SOHLH1: variants seen among roughly 807,000 people sequenced by gnomAD.
SOHLH1 encodes spermatogenesis and oogenesis specific basic helix-loop-helix 1.
SOHLH1 carries 23 observed loss-of-function variants against 36.2 expected under a neutral mutation model. The ratio of observed to expected loss-of-function variants is 0.64; its 90% CI spans 0.46 to 0.90. The LOEUF (loss-of-function observed/expected upper bound fraction) is 0.90, where lower values mean the gene tolerates loss of function less well. Ranked by LOEUF, SOHLH1 falls within the 40% of genes least tolerant of loss-of-function variation. The pLI, the probability that SOHLH1 is intolerant of heterozygous loss-of-function variation, is 0.00. For synonymous variants in SOHLH1, 289 were observed against 228.3 expected, an observed-to-expected ratio of 1.27 and a Z score of -2.40; for missense variants, 608 against 517.0, an observed-to-expected ratio of 1.18 and a Z score of -1.71.
chr9:135,700,187 G>A (rs1013114171), upstream of SOHLH1, among the ~76,000 whole-genome samples: 3 of 152,126 alleles, frequency 2.0e-5, no homozygotes, highest in Non-Finnish European at 4.4e-5. Context: ...TTATGCCCTG[G>A]GGCCCCAGCT....
intron 1 of SOHLH1, 94 bp downstream of exon 1, chr9:135,699,309 G>A (rs1816129708): frequency 6.7e-7 from 1 of 1,503,490 alleles, no homozygotes. Flanking sequence ...CGCCCCAGGA[G>A]GCCCAGGATG....
At chr9:135,701,187 G>A (rs1351761616), upstream of SOHLH1, among the ~76,000 whole-genome samples, 1 of 152,204 alleles carries the variant, frequency 6.6e-6, no homozygotes, top group East Asian at 1.9e-4. Flanking sequence ...CTGAACCTCT[G>A]CTGGGGACTT....
In SOHLH1 at chr9:135,697,552, G is replaced by C. The variant is rs766285870; in HGVS notation, c.421C>G (p.Gln141Glu). The change falls in exon 4 of 8, where the codon CAA becomes GAA. Residue 141 changes from glutamine to glutamate, a missense_variant. Gln to Glu is a conservative substitution (Grantham distance 29). Transcript: ENST00000425225. ...VLQLTLSSQIQAGVPDPGTGA... is the reference protein window; with the variant it reads ...VLQLTLSSQIEAGVPDPGTGA... ...GTCCCAGGGTCTGGCACACCTGCTT[G>C]AATCTGACTCGACAACGTCAACTGT... 14 of 1,612,712 alleles carry C rather than the reference G, an allele frequency of 8.7e-6. No homozygotes were observed. The Admixed American group carries it at 1.0e-4, about 12-fold the overall frequency.
upstream of SOHLH1, among the ~76,000 whole-genome samples, chr9:135,699,913 GACCCAGGGACACAGGGAGGGGGAAGGGT>G (rs1834974590): frequency 6.6e-6 from 1 of 151,962 alleles, no homozygotes; most frequent in South Asian, 2.1e-4. Flanking sequence ...AGGCCTGGGG[GACCCAGGGACACAGGGAGGGGGAAGGGT>G]ACCCGCCTGC....
In SOHLH1 at chr9:135,698,328, C is replaced by T; in HGVS notation, c.345+1G>A. On this transcript the variant is annotated splice_donor_variant, in intron 3 of 7. Transcript: ENST00000425225. LOFTEE classifies it high-confidence loss of function. ...TGACGGCGTCTACCCTTACAACTCA[C>T]AGCGTGCTGCTCCTGACTGGGCCCC... is the stretch of plus-strand genomic sequence containing the variant. 1 of 1,613,006 alleles carries T rather than the reference C, an allele frequency of 6.2e-7. No individual in the cohort carries two copies. The highest frequency in any genetic ancestry group is 8.5e-7 in the Non-Finnish European group (1 of 1,180,006).
intron 1 of SOHLH1, 70 bp from the exon 2 acceptor site, chr9:135,699,196 G>C: frequency 6.5e-7 from 1 of 1,547,006 alleles, no homozygotes; most frequent in Non-Finnish European, 8.7e-7. Flanking sequence ...CCAGATGCCA[G>C]AATGGGCGTC....
chr9:135,696,513 A>AC (rs74710459), intron 5 of SOHLH1, 99 bp downstream of exon 5: 1,295,158 of 1,375,470 alleles, frequency 0.94, 610,525 homozygotes, highest in East Asian at 0.99. Context: ...AAAACTTCGA[A>AC]CCCCGTTTGC....
rs748562936 is a variant in SOHLH1, at chr9:135,696,789, C to A, written c.484G>T (p.Ala162Ser). ...SSGTRTPDVKAFLESPWSLDP... is the reference protein window; with the variant it reads ...SSGTRTPDVKSFLESPWSLDP... ...AGGGACCAAGGACTTTCCAGAAACG[C>A]CTTCACATCTGGGGTTCTAGAAGGA... The change falls in exon 5 of 8, where the codon GCG (alanine) becomes TCG (serine). Residue 162 changes from alanine to serine, a missense_variant. By Grantham distance (99) the Ala-to-Ser change is moderately conservative. Transcript: ENST00000425225. 2 of 1,613,036 alleles carry A rather than the reference C, an allele frequency of 1.2e-6. No individual in the cohort carries two copies. Among genetic ancestry groups the A allele is most frequent in the South Asian group, 1.1e-5 (1 of 91,086 alleles).
At chr9:135,697,829 T>G (rs1216004986) in intron 3 of SOHLH1, among the ~76,000 whole-genome samples, 2 of 152,058 alleles carry the variant, frequency 1.3e-5, no homozygotes, top group African/African-American at 2.4e-5. Context: ...AATCAGGCTG[T>G]GCATACCCAA....
rs1007885703 is a variant in SOHLH1, at chr9:135,694,203, C to T, written c.946+184G>A. On this transcript the variant is annotated intron_variant, in intron 7 of 7. Transcript: ENST00000425225. ...CACATCACGTTCACTCACACACTCA[C>T]ATATCACCTATAACGCTCAATACCA... 4.4e-5 allele frequency: 64 copies of T among 1,447,898 alleles called. 1 individual carries two copies. The highest frequency in any genetic ancestry group is 5.4e-5 in the Non-Finnish European group (60 of 1,104,788). 89.7% of individuals were successfully genotyped at this position (1,447,898 alleles called of 1,614,324 possible).
chr9:135,700,342 A>G (rs1257469316), upstream of SOHLH1, among the ~76,000 whole-genome samples: 1 of 152,020 alleles, frequency 6.6e-6, no homozygotes, highest in Non-Finnish European at 1.5e-5. Context: ...TGAGTCCCCC[A>G]GTACATACTT....
upstream of SOHLH1, among the ~76,000 whole-genome samples, chr9:135,701,806 C>G (rs968278931): frequency 1.8e-4 from 27 of 152,112 alleles, no homozygotes; most frequent in East Asian, 4.7e-3. Context: ...GCGGGAGGTG[C>G]TGACGGTCCC....
upstream of SOHLH1, among the ~76,000 whole-genome samples, chr9:135,700,175 C>A (rs896429668): frequency 6.6e-6 from 1 of 152,170 alleles, no homozygotes; most frequent in Non-Finnish European, 1.5e-5. Flanking sequence ...ACCATCCCCG[C>A]TTTATGCCCT....
upstream of SOHLH1, chr9:135,699,639 CG>C: frequency 2.8e-6 from 2 of 705,542 alleles, no homozygotes; most frequent in Admixed American, 4.2e-5. Context: ...GCAGCCAGCC[CG>C]GGGCCCACGT....
chr9:135,701,321 A>C (rs906750440), upstream of SOHLH1, among the ~76,000 whole-genome samples: 1 of 151,998 alleles, frequency 6.6e-6, no homozygotes, highest in Non-Finnish European at 1.5e-5. Flanking sequence ...CAGGGACCAC[A>C]AAGTACATGG....
intron 7 of SOHLH1, 163 bp from the exon 8 acceptor site, chr9:135,693,977 C>T (rs79643407): frequency 0.019 from 27,581 of 1,430,234 alleles, 577 homozygotes; most frequent in African/African-American, 0.11. Flanking sequence ...TACCTGGTGG[C>T]CCCAGACCCA....
chr9:135,694,058 A>G (rs551097853), intron 7 of SOHLH1: 38 of 1,426,246 alleles, frequency 2.7e-5, no homozygotes, highest in Non-Finnish European at 3.4e-5. Flanking sequence ...GACACACGCC[A>G]TGTCACAGGG....
Position 135,694,582 on chromosome 9 carries a change from C to T in SOHLH1, c.876-125G>A, listed in dbSNP as rs1361639793. The T allele has an allele frequency of 8.2e-6, 11 of 1,348,292 alleles. No individual in the cohort carries two copies. In the African/African-American group the frequency reaches 1.1e-4, roughly 14 times the overall value. The allele number at this position is 1,348,292 out of a possible 1,614,324, so 83.5% of individuals were successfully genotyped here. On this transcript the variant is annotated intron_variant, in intron 6 of 7. Coordinates refer to ENST00000425225, the MANE Select transcript of SOHLH1 (RefSeq NM_001101677.2). ...GCAAAGATCTAGGCACCACTCCTGA[C>T]AGGCTCCACCCTGCCCAGCGGGGAG...
chr9:135,698,211 T>A, intron 3 of SOHLH1, 118 bp downstream of exon 3: 1 of 1,427,498 alleles, frequency 7.0e-7, no homozygotes, highest in Non-Finnish European at 9.8e-7. Flanking sequence ...GCTCTAGCCG[T>A]GGAGACCCAG....
Sources: allele counts gnomAD v4.1 joint callset (sites outside exome capture counted in the v4.1 genomes callset), GRCh38; gene constraint gnomAD v4.1.1; transcripts MANE v1.5; gene names NCBI Gene and HGNC (gene_info 2026-07-23, HGNC 2026-07-21).